The following ANTXR1 variants were observed in gnomAD, a reference collection of about 807,000 sequenced individuals.
The protein encoded by ANTXR1 is anthrax toxin receptor 1.
In ANTXR1, 19 loss-of-function variants were observed where a neutral mutation model predicts 78.1. That is an observed-to-expected ratio of 0.24 (90% CI 0.17 to 0.36). The LOEUF is 0.36. Among genes scored for constraint, ANTXR1 ranks in the 10% least tolerant of loss-of-function variants. The pLI, the probability that ANTXR1 is intolerant of heterozygous loss-of-function variation, is 1.00. For missense variants in ANTXR1, 518 were observed against 718.6 expected (o/e 0.72, Z 3.19); for synonymous variants, 273 against 260.5 (o/e 1.05, Z -0.46).
At chr2:69,151,892 T>C (rs1673409085) in intron 12 of ANTXR1, among the ~76,000 whole-genome samples, 1 of 152,228 alleles carries the variant, frequency 6.6e-6, no homozygotes. Context: ...TGTTCATGCC[T>C]GCTCTGTCTC....
intron 10 of ANTXR1, chr2:69,103,214 G>A (rs1671684854): frequency 4.2e-6 from 2 of 475,018 alleles, no homozygotes; most frequent in Admixed American, 3.3e-5. Flanking sequence ...AGAGCCACAA[G>A]CCCCAGCCCT....
Position 69,013,778 on chromosome 2 carries a change from G to A in ANTXR1, c.152+127G>A. 3 of 1,462,868 alleles carry A rather than the reference G, an allele frequency of 2.1e-6. No individual in the cohort carries two copies. The highest frequency in any genetic ancestry group is 2.0e-5 in the Admixed American group (1 of 50,288). 90.6% of individuals were successfully genotyped at this position (1,462,868 alleles called of 1,614,324 possible). ...ATCTCCAGGGCCACAGAGGGACCGC[G>A]CGGCAGGCGGCGGCGGAGTGCTGCG... is the stretch of plus-strand genomic sequence containing the variant. On this transcript the variant is annotated intron_variant, in intron 1 of 17. Transcript: ENST00000303714. This position sits in a 1 kb window ranked among gnomAD's most constrained non-coding sequence, Gnocchi z 5.0.
chr2:69,124,114 G>C (rs1672449136), intron 11 of ANTXR1, among the ~76,000 whole-genome samples: 1 of 152,186 alleles, frequency 6.6e-6, no homozygotes, highest in South Asian at 2.1e-4. Context: ...TGAGTCTGTT[G>C]AATGGTAACA....
rs543244253 is a variant in ANTXR1 at position 69,061,333 on chromosome 2, C to G, written c.297-9314C>G. ...AGGCACAGAGAAATTATAGAGACAT[C>G]TGCAAAACAAATGTTGCTACTTCCA... On this transcript the variant is annotated intron_variant, in intron 3 of 17. Transcript: ENST00000303714. 3.0e-3 allele frequency among the ~76,000 whole-genome samples: 464 copies of G among 152,290 alleles called. 2 individuals are homozygous for G. Among genetic ancestry groups the G allele is most frequent in the Non-Finnish European group, 5.6e-3 (382 of 68,024 alleles).
chr2:69,169,829 A>G (rs926488597), intron 13 of ANTXR1, among the ~76,000 whole-genome samples: 8 of 152,384 alleles, frequency 5.2e-5, no homozygotes, highest in Admixed American at 3.3e-4. Flanking sequence ...ACACATCCCT[A>G]AAGCACCATG....
chr2:69,062,954 T>C (rs1369878470), intron 3 of ANTXR1, among the ~76,000 whole-genome samples: 1 of 151,966 alleles, frequency 6.6e-6, no homozygotes, highest in Non-Finnish European at 1.5e-5. Context: ...AAAAAATTTA[T>C]CAGATAGGTT....
At chr2:69,235,317 CCAGCCCTGATGA>C (rs1250650429) in intron 17 of ANTXR1, among the ~76,000 whole-genome samples, 1 of 151,970 alleles carries the variant, frequency 6.6e-6, no homozygotes, top group Non-Finnish European at 1.5e-5. Context: ...GCCACCGTGC[CCAGCCCTGATGA>C]AGGCCTTTCT....
At chr2:69,170,098 C>T (rs1673938730) in intron 13 of ANTXR1, 150 bp from the exon 14 acceptor site, 2 of 783,692 alleles carry the variant, frequency 2.6e-6, no homozygotes, top group South Asian at 2.9e-5. Flanking sequence ...CCAGCAAAGA[C>T]ACCTCTCATG....
intron 13 of ANTXR1, among the ~76,000 whole-genome samples, chr2:69,169,246 G>T (rs935258076): frequency 6.6e-5 from 10 of 152,346 alleles, no homozygotes; most frequent in Non-Finnish European, 8.8e-5. Flanking sequence ...TGATGTTAAG[G>T]CATCAAGAGA....
At chr2:69,037,031 A>T (rs1355358413) in intron 1 of ANTXR1, among the ~76,000 whole-genome samples, 2 of 152,184 alleles carry the variant, frequency 1.3e-5, no homozygotes, top group African/African-American at 4.8e-5. Flanking sequence ...GAGACTCCAG[A>T]TGCCATTCTG....
intron 10 of ANTXR1, among the ~76,000 whole-genome samples, chr2:69,103,994 A>G (rs1671720871): frequency 6.7e-6 from 1 of 148,854 alleles, no homozygotes; most frequent in Admixed American, 6.8e-5. Context: ...GCTGGAGTAC[A>G]ATGGCACGAT....
intron 1 of ANTXR1, among the ~76,000 whole-genome samples, chr2:69,024,119 G>A (rs1671275910): frequency 6.6e-6 from 1 of 152,154 alleles, no homozygotes; most frequent in African/African-American, 2.4e-5. Context: ...TTTGTATTAA[G>A]GATCAGCAGG....
chr2:69,037,952 G>A (rs1669494403), intron 1 of ANTXR1, among the ~76,000 whole-genome samples: 1 of 152,042 alleles, frequency 6.6e-6, no homozygotes, highest in Admixed American at 6.5e-5. Flanking sequence ...CCCTCTACAG[G>A]CTGCATGGTG....
rs528911814 is a variant in ANTXR1 at position 69,128,157 on chromosome 2, G to A, written c.951+3514G>A. On this transcript the variant is annotated intron_variant, in intron 12 of 17. Coordinates refer to ENST00000303714, the MANE Select transcript of ANTXR1 (RefSeq NM_032208.3). The stretch of plus-strand genomic sequence containing the variant: ...GAGAATCAGCCTGAACATGGGAGGC[G>A]GAGGTTGCAGTGAGCTGAGATCATG... 3.0e-3 allele frequency among the ~76,000 whole-genome samples: 458 copies of A among 152,038 alleles called. 4 individuals carry two copies. Among genetic ancestry groups the A allele is most frequent in the African/African-American group, 0.011 (442 of 41,434 alleles).
At chr2:69,145,150 T>G (rs909772600) in intron 12 of ANTXR1, among the ~76,000 whole-genome samples, 1 of 152,216 alleles carries the variant, frequency 6.6e-6, no homozygotes, top group African/African-American at 2.4e-5. Flanking sequence ...ACCAGTCTGA[T>G]GGCAGGCAGG....
At chr2:69,062,134 A>G (rs906619631) in intron 3 of ANTXR1, among the ~76,000 whole-genome samples, 6 of 152,210 alleles carry the variant, frequency 3.9e-5, no homozygotes, top group African/African-American at 1.4e-4. Context: ...TCTGCCATAG[A>G]CAGACACTCT....
chr2:69,245,805 T>C lies in ANTXR1; in HGVS notation c.*320T>C, dbSNP rs949435374. The C allele has an allele frequency of 3.5e-6, 1 of 287,746 alleles. No individual in the cohort carries two copies. Among genetic ancestry groups the C allele is most frequent in the Non-Finnish European group, 6.5e-6 (1 of 153,314 alleles). 17.8% of individuals were successfully genotyped at this position (287,746 alleles called of 1,614,324 possible). ...CATGGAGACCAGTAAGAAAATCATT[T>C]ATCTGAAGGTGAAATGCAGAGTTGG... On this transcript the variant is annotated 3_prime_UTR_variant, in exon 18 of 18. Coordinates refer to ENST00000303714, the MANE Select transcript of ANTXR1 (RefSeq NM_032208.3).
chr2:69,119,654 G>C (rs560446740), intron 10 of ANTXR1, among the ~76,000 whole-genome samples: 138 of 152,240 alleles, frequency 9.1e-4, no homozygotes, highest in African/African-American at 3.2e-3. Context: ...TGAAATATGA[G>C]CCTAATGATC....
intron 14 of ANTXR1, among the ~76,000 whole-genome samples, chr2:69,180,560 C>T (rs1411400492): frequency 6.6e-6 from 1 of 152,202 alleles, no homozygotes; most frequent in Non-Finnish European, 1.5e-5. Context: ...ACACTAACTT[C>T]TTGTCACTGA....
Sources: allele counts gnomAD v4.1 joint callset (sites outside exome capture counted in the v4.1 genomes callset), GRCh38; gene constraint gnomAD v4.1.1; non-coding constraint Gnocchi (gnomAD v3.1); transcripts MANE v1.5; gene names NCBI Gene and HGNC (gene_info 2026-07-23, HGNC 2026-07-21).